PRKG1: variants seen among roughly 807,000 people sequenced by gnomAD.
The protein encoded by PRKG1 is protein kinase cGMP-dependent 1.
Under a neutral mutation model 88.1 loss-of-function variants are expected in PRKG1, and 35 were observed. That is an observed-to-expected ratio of 0.40 (90% CI 0.30 to 0.53). PRKG1 has a LOEUF of 0.53. Ranked by LOEUF, PRKG1 falls within the 20% of genes least tolerant of loss-of-function variation. PRKG1 has a pLI of 0.59. For missense variants in PRKG1, 540 were observed against 839.8 expected, an observed-to-expected ratio of 0.64 and a Z score of 4.41; for synonymous variants, 303 against 292.5, an observed-to-expected ratio of 1.04 and a Z score of -0.37.
At chr10:52,024,150 T>C (rs996537657) in intron 5 of PRKG1, among the ~76,000 whole-genome samples, 5 of 152,084 alleles carry the variant, frequency 3.3e-5, no homozygotes, top group African/African-American at 1.2e-4. Context: ...TACAAACAAA[T>C]GGAAAAACAT....
intron 5 of PRKG1, among the ~76,000 whole-genome samples, chr10:52,042,034 A>G (rs578236110): frequency 1.3e-4 from 20 of 152,288 alleles, no homozygotes; most frequent in African/African-American, 4.6e-4. Context: ...ACTAAAAACT[A>G]TAAAGCACTG....
chr10:51,738,114 C>A (rs896614266), intron 3 of PRKG1, among the ~76,000 whole-genome samples: 2 of 152,018 alleles, frequency 1.3e-5, no homozygotes, highest in African/African-American at 4.8e-5. Flanking sequence ...TGATACACAG[C>A]AAATTTGGGG....
intron 1 of PRKG1, among the ~76,000 whole-genome samples, chr10:51,109,269 A>G (rs1461611790): frequency 6.6e-6 from 1 of 152,126 alleles, no homozygotes; most frequent in African/African-American, 2.4e-5. Context: ...CTTCAAAATA[A>G]CCAAAAAATG....
At chr10:51,105,736 T>C (rs1384245636) in intron 1 of PRKG1, among the ~76,000 whole-genome samples, 1 of 152,176 alleles carries the variant, frequency 6.6e-6, no homozygotes, top group African/African-American at 2.4e-5. Flanking sequence ...TGATTCTGAG[T>C]CTGATGACAT....
intron 5 of PRKG1, among the ~76,000 whole-genome samples, chr10:52,031,769 A>T (rs1477145867): frequency 1.3e-5 from 2 of 152,222 alleles, no homozygotes; most frequent in Admixed American, 6.5e-5. Flanking sequence ...CAAAAGGTAG[A>T]ATGATAGAAG....
chr10:51,006,964 C>T (rs1014008883), intron 1 of PRKG1, among the ~76,000 whole-genome samples: 14 of 114,896 alleles, frequency 1.2e-4, no homozygotes, highest in African/African-American at 3.0e-4. Flanking sequence ...TTTGAGATGG[C>T]GTCTTGTTTT....
chr10:51,831,044 T>A (rs1839995287), intron 4 of PRKG1, among the ~76,000 whole-genome samples: 1 of 152,168 alleles, frequency 6.6e-6, no homozygotes, highest in African/African-American at 2.4e-5. Context: ...TTTATGAGAC[T>A]AATGTATGTT....
At chr10:51,535,211 G>A (rs1445844396) in intron 3 of PRKG1, among the ~76,000 whole-genome samples, 1 of 152,060 alleles carries the variant, frequency 6.6e-6, no homozygotes, top group Non-Finnish European at 1.5e-5. Flanking sequence ...ATTATGTGGT[G>A]TGTTCTCAAA....
At chr10:51,563,573 T>C (rs892826246) in intron 3 of PRKG1, among the ~76,000 whole-genome samples, 24 of 152,042 alleles carry the variant, frequency 1.6e-4, no homozygotes, top group African/African-American at 5.6e-4. Context: ...TAAGTAAAGG[T>C]TTGATACACT....
At chr10:52,017,621 T>C (rs1460503172) in intron 5 of PRKG1, among the ~76,000 whole-genome samples, 1 of 152,096 alleles carries the variant, frequency 6.6e-6, no homozygotes, top group African/African-American at 2.4e-5. Context: ...GGGATATAGA[T>C]AAAAAGTTTA....
At chr10:51,967,555 A>T (rs569498719) in intron 5 of PRKG1, among the ~76,000 whole-genome samples, 6 of 149,018 alleles carry the variant, frequency 4.0e-5, no homozygotes, top group Non-Finnish European at 7.5e-5. Context: ...AACCTAAAGT[A>T]TAAAAAAAAA....
intron 2 of PRKG1, among the ~76,000 whole-genome samples, chr10:51,179,967 C>G (rs1837302156): frequency 6.6e-6 from 1 of 152,154 alleles, no homozygotes. Flanking sequence ...ATAAAGAAAG[C>G]CTTCCATAAA....
At chr10:51,979,419 T>TTTTG (rs1843941492) in intron 5 of PRKG1, among the ~76,000 whole-genome samples, 1 of 136,274 alleles carries the variant, frequency 7.3e-6, no homozygotes, top group African/African-American at 2.7e-5. Flanking sequence ...TGTTTTTTTT[T>TTTTG]TTTTTTTTTT....
chr10:52,189,420 G>A (rs1162226715), intron 9 of PRKG1, among the ~76,000 whole-genome samples: 1 of 152,082 alleles, frequency 6.6e-6, no homozygotes, highest in Non-Finnish European at 1.5e-5. Flanking sequence ...GGCCTGTTAG[G>A]CACCTGGACA....
chr10:51,130,183 A>C (rs1416307973), intron 1 of PRKG1, among the ~76,000 whole-genome samples: 1 of 152,202 alleles, frequency 6.6e-6, no homozygotes, highest in Non-Finnish European at 1.5e-5. Context: ...CCTATGAATC[A>C]TCTTAATAAA....
intron 2 of PRKG1, 50 bp downstream of exon 2, chr10:51,153,380 C>G (rs754787390): frequency 1.3e-6 from 2 of 1,517,846 alleles, no homozygotes; most frequent in South Asian, 2.6e-5. Context: ...CTTTTTTCAT[C>G]TTATCAGCTG....
intron 3 of PRKG1, among the ~76,000 whole-genome samples, chr10:51,471,379 G>A (rs905053445): frequency 2.0e-5 from 3 of 151,760 alleles, no homozygotes; most frequent in African/African-American, 4.8e-5. Context: ...TTTGCCATCC[G>A]TTTTCAACCC....
chr10:51,998,959 T>G (rs2133145008), intron 5 of PRKG1, among the ~76,000 whole-genome samples: 1 of 152,328 alleles, frequency 6.6e-6, no homozygotes, highest in African/African-American at 2.4e-5. Context: ...ATGTGCTGCT[T>G]TTGTCTATAA....
intron 5 of PRKG1, among the ~76,000 whole-genome samples, chr10:51,934,114 A>G (rs1430294530): frequency 1.3e-5 from 2 of 152,136 alleles, no homozygotes; most frequent in Non-Finnish European, 2.9e-5. Context: ...TGAAAGAAAG[A>G]AAAGCTTTGC....
Sources: gnomAD v4.1 joint callset for allele counts (sites outside exome capture counted in the v4.1 genomes callset) on GRCh38, gnomAD v4.1.1 for gene constraint, MANE v1.5 for transcripts, NCBI Gene and HGNC (gene_info 2026-07-23, HGNC 2026-07-21) for gene names.